PMS2: variants seen among roughly 807,000 people sequenced by gnomAD.
PMS2 encodes mismatch repair endonuclease PMS2.
A neutral mutation model predicts 90.0 loss-of-function variants in PMS2; 69 were observed. That is an observed-to-expected ratio of 0.77 (90% CI 0.63 to 0.94). The LOEUF is 0.94. PMS2 is among the 40% of genes least tolerant of loss of function. The pLI is 0.00. For synonymous variants in PMS2, 332 were observed against 375.1 expected, an observed-to-expected ratio of 0.89 and a Z score of 1.33; for missense variants, 966 against 1,040.2, an observed-to-expected ratio of 0.93 and a Z score of 0.98.
At position 5,987,350 on chromosome 7, in the gene PMS2, T is replaced by C. The variant is rs770421413; in HGVS notation, c.1415A>G (p.Lys472Arg). 6 of 1,614,124 alleles carry C rather than the reference T, an allele frequency of 3.7e-6. No homozygotes were observed. In the South Asian group the frequency reaches 6.6e-5, roughly 18 times the overall value. ...ISDKGVLRPQ[K>R]EAVSSSHGPS... ...TCCGTGACTGGAACTCACTGCCTCT[T>C]TCTGAGGTCTCAGGACGCCTTTGTC... The change falls in exon 11 of 15, where the codon AAA becomes AGA. Residue 472 changes from lysine (K) to arginine (R), a missense_variant. This residue lies in a region of PMS2 where 871 missense variants were observed against 802.4 expected (regional missense o/e 1.09). Coordinates refer to ENST00000265849, the MANE Select transcript of PMS2 (RefSeq NM_000535.7).
At position 5,999,222 on chromosome 7, in the gene PMS2, G is replaced by A. The variant is rs748518694; in HGVS notation, c.591C>T (p.Gly197=). The A allele has an allele frequency of 7.4e-6, 12 of 1,613,830 alleles. No individual in the cohort carries two copies. The African/African-American group carries it at 1.6e-4, about 22-fold the overall frequency. Residue 197 remains glycine, a synonymous_variant, in exon 6 of 15, where the codon GGC becomes GGT. Transcript: ENST00000265849. ...GCTGATTGGTGCAACTTACACGGAT[G>A]CCTGCTGAAATGATACAGTATGCAT... The part of the protein sequence containing the change: ...VLHAYCIISA[G]IRVSCTNQLG...
intron 1 of PMS2, among the ~76,000 whole-genome samples, chr7:6,008,436 C>T (rs1786125456): frequency 1.3e-5 from 2 of 152,018 alleles, no homozygotes; most frequent in Admixed American, 6.6e-5. Context: ...GGACGCTCTA[C>T]CGTCCCCAAA....
At chr7:6,008,673 G>C (rs1283585479) in intron 1 of PMS2, among the ~76,000 whole-genome samples, 1 of 152,208 alleles carries the variant, frequency 6.6e-6, no homozygotes, top group Non-Finnish European at 1.5e-5. Context: ...TCAGTCTATG[G>C]GGATTTCACG....
rs770841005 is a variant in PMS2 at position 5,986,957 on chromosome 7, G to C, written c.1808C>G (p.Ser603Cys). 3 of 1,613,868 alleles carry C rather than the reference G, an allele frequency of 1.9e-6. No homozygotes were observed. The highest frequency in any genetic ancestry group is 2.5e-6 in the Non-Finnish European group (3 of 1,179,752). Residue 603 changes from serine to cysteine, a missense_variant, in exon 11 of 15, where the codon TCT becomes TGT. Transcript: ENST00000265849. ...AATTTTCACAGCTACATCAACCTGA[G>C]AGGCTGACATGTCCTGAGTATTTAC... is the stretch of plus-strand genomic sequence containing the variant. ...KLVNTQDMSA[S>C]QVDVAVKINK...
In PMS2 at chr7:6,003,964, C is replaced by T. The variant is rs1057520511; in HGVS notation, c.250+8G>A. On this transcript the variant is annotated splice_region_variant and intron_variant, in intron 3 of 14. Transcript: ENST00000265849. ...ATTTTATAATAGGATTAGAAAAAGT[C>T]AACTTACTTAAGCCTTCGAAGTTTT... 6 of 1,562,714 alleles carry T rather than the reference C, an allele frequency of 3.8e-6. No homozygotes were observed. The highest frequency in any genetic ancestry group is 5.3e-6 in the Non-Finnish European group (6 of 1,135,022).
chr7:5,995,944 G>A (rs547331377), intron 7 of PMS2, among the ~76,000 whole-genome samples: 2 of 152,170 alleles, frequency 1.3e-5, no homozygotes, highest in South Asian at 4.1e-4. Context: ...AGTGGGTCTC[G>A]CTTCAAATGC....
chr7:5,992,660 A>AG (rs1284909924), intron 8 of PMS2, among the ~76,000 whole-genome samples: 1 of 152,158 alleles, frequency 6.6e-6, no homozygotes, highest in African/African-American at 2.4e-5. Flanking sequence ...AGATATGACT[A>AG]ACATGGAATA....
Position 6,006,666 on chromosome 7 carries a change from T to A in PMS2, c.24-635A>T, listed in dbSNP as rs113668981. The stretch of plus-strand genomic sequence containing the variant: ...AAAAAAAAATGAAAGTAACATAATT[T>A]CCCAACATAATTAGAAAAACCAACA... On this transcript the variant is annotated intron_variant, in intron 1 of 14. Coordinates refer to ENST00000265849, the MANE Select transcript of PMS2 (RefSeq NM_000535.7). Among the ~76,000 whole-genome samples the A allele has an allele frequency of 9.7e-3, 1,472 of 152,020 alleles. 24 individuals carry two copies. The highest frequency in any genetic ancestry group is 0.034 in the African/African-American group (1,406 of 41,478).
intron 6 of PMS2, among the ~76,000 whole-genome samples, chr7:5,998,474 C>G (rs1784686101): frequency 1.4e-5 from 2 of 147,244 alleles, no homozygotes; most frequent in Non-Finnish European, 1.5e-5. Flanking sequence ...AGGCGGATCA[C>G]TAGAGGTCAG....
chr7:5,997,352 ACAG>A lies in PMS2; in HGVS notation c.774_776del (p.Cys259del), dbSNP rs1212575852. 1.9e-6 allele frequency: 3 copies of A among 1,596,164 alleles called. No homozygotes were observed. The highest frequency in any genetic ancestry group is 2.6e-6 in the Non-Finnish European group (3 of 1,164,104). On this transcript the variant is annotated inframe_deletion, in exon 7 of 15. Coordinates refer to ENST00000265849, the MANE Select transcript of PMS2 (RefSeq NM_000535.7). The stretch of plus-strand genomic sequence containing the variant: ...AAAAAAGATTATGCAGAGCATCGGA[ACAG>A]CTCAAACCGTACTCTTCACACACGG...
At position 5,986,859 on chromosome 7, in the gene PMS2, C is replaced by T. The variant is rs876658863; in HGVS notation, c.1906G>A (p.Ala636Thr). 3.1e-6 allele frequency: 5 copies of T among 1,614,024 alleles called. No homozygotes were observed. Among genetic ancestry groups the T allele is most frequent in the Non-Finnish European group, 4.2e-6 (5 of 1,179,950 alleles). The change falls in exon 11 of 15, where the codon GCA (alanine) becomes ACA (threonine). Residue 636 changes from alanine (A) to threonine (T), a missense_variant. By Grantham distance (58) the Ala-to-Thr change is moderately conservative. Around this residue, in one of 2 missense-constraint regions of PMS2, gnomAD observed 871 missense variants for 802.4 expected, o/e 1.09. Transcript: ENST00000265849. ...AKRIKQLHHE[A>T]QQSEGEQNYR... ...TTCTGTTCCCCTTCACTTTGCTGTG[C>T]TTCATGATGTAACTGCTTTATTCGT...
At chr7:5,986,360 G>A (rs1782860094) in intron 11 of PMS2, among the ~76,000 whole-genome samples, 1 of 151,846 alleles carries the variant, frequency 6.6e-6, no homozygotes, top group South Asian at 2.1e-4. Flanking sequence ...GATTACAGGT[G>A]TGAGCCACCA....
intron 6 of PMS2, 75 bp from the exon 7 acceptor site, chr7:5,997,498 G>GT: frequency 1.1e-6 from 1 of 876,422 alleles, no homozygotes; most frequent in South Asian, 1.5e-5. Context: ...TTCTTTCTTA[G>GT]TCAAGCTATT....
intron 8 of PMS2, among the ~76,000 whole-genome samples, chr7:5,994,792 G>T (rs969091072): frequency 6.6e-5 from 10 of 151,344 alleles, no homozygotes; most frequent in Non-Finnish European, 1.0e-4. Context: ...AAAAAAGAAA[G>T]AAAAGAAAAT....
intron 2 of PMS2, among the ~76,000 whole-genome samples, chr7:6,004,738 T>C (rs1190938744): frequency 6.8e-6 from 1 of 146,602 alleles, no homozygotes; most frequent in African/African-American, 2.5e-5. Context: ...AAAAAGAGAA[T>C]GGGTTCTGGA....
In PMS2 at chr7:5,999,142, T is replaced by C. The variant is rs2128799743; in HGVS notation, c.671A>G (p.Lys224Arg). 6.2e-7 allele frequency: 1 copy of C among 1,614,146 alleles called. No homozygotes were observed. The highest frequency in any genetic ancestry group is 8.5e-7 in the Non-Finnish European group (1 of 1,180,028). The change falls in exon 6 of 15, where the codon AAG becomes AGG. Residue 224 changes from lysine (K) to arginine (R), a missense_variant. This residue lies in a region of PMS2 where 871 missense variants were observed against 802.4 expected (regional missense o/e 1.09). Coordinates refer to ENST00000265849, the MANE Select transcript of PMS2 (RefSeq NM_000535.7). ...VVCTGGSPSI[K>R]ENIGSVFGQK... ...CCCAAACACAGAGCCGATATTTTCC[T>C]TTATGCTGGGGCTTCCACCTGTGCA...
intron 11 of PMS2, among the ~76,000 whole-genome samples, chr7:5,985,022 G>T (rs1782703209): frequency 6.6e-6 from 1 of 151,660 alleles, no homozygotes; most frequent in Admixed American, 6.6e-5. Context: ...ATCTTTGAGG[G>T]TCTGTTTCCT....
intron 8 of PMS2, among the ~76,000 whole-genome samples, chr7:5,993,997 T>G (rs572363198): frequency 6.6e-6 from 1 of 152,100 alleles, no homozygotes; most frequent in African/African-American, 2.4e-5. Flanking sequence ...AATATACTGG[T>G]AATATGTGTT....
At chr7:6,004,946 C>T (rs1785553809) in intron 2 of PMS2, among the ~76,000 whole-genome samples, 1 of 151,756 alleles carries the variant, frequency 6.6e-6, no homozygotes, top group South Asian at 2.1e-4. Context: ...TGCTCGTCAC[C>T]CAGGCTGGAG....
Sources: allele counts gnomAD v4.1 joint callset (sites outside exome capture counted in the v4.1 genomes callset), GRCh38; gene constraint gnomAD v4.1.1; regional missense constraint gnomAD v4.1.1; transcripts MANE v1.5; gene names NCBI Gene and HGNC (gene_info 2026-07-23, HGNC 2026-07-21).